THSD7B: variants seen among roughly 807,000 people sequenced by gnomAD.
THSD7B encodes thrombospondin type 1 domain containing 7B, also known as thrombospondin type-1 domain-containing protein 7B.
A neutral mutation model predicts 213.6 loss-of-function variants in THSD7B; 138 were observed. The ratio of observed to expected loss-of-function variants is 0.65; its 90% CI spans 0.56 to 0.74. The LOEUF (loss-of-function observed/expected upper bound fraction) is 0.74, where lower values mean the gene tolerates loss of function less well. THSD7B is among the 30% of genes least tolerant of loss of function. The pLI, the probability that THSD7B is intolerant of heterozygous loss-of-function variation, is 0.00. For missense variants in THSD7B, 1,931 were observed against 1,991.5 expected (o/e 0.97, Z 0.58); for synonymous variants, 742 against 687.0 (o/e 1.08, Z -1.25).
chr2:137,639,400 G>T (rs1682895497), intron 20 of THSD7B, among the ~76,000 whole-genome samples: 1 of 152,232 alleles, frequency 6.6e-6, no homozygotes, highest in Admixed American at 6.5e-5. Context: ...GCGTGCCCAG[G>T]CAAAAGTTTG....
intron 15 of THSD7B, among the ~76,000 whole-genome samples, chr2:137,521,818 G>C (rs570957781): frequency 6.6e-6 from 1 of 152,068 alleles, no homozygotes; most frequent in South Asian, 2.1e-4. Flanking sequence ...GCATCAGAGG[G>C]CCTGTCAGTC....
intron 5 of THSD7B, among the ~76,000 whole-genome samples, chr2:137,145,067 T>G (rs1679667161): frequency 6.6e-6 from 1 of 152,086 alleles, no homozygotes; most frequent in Admixed American, 6.6e-5. Flanking sequence ...GCTGTTATTT[T>G]CTTTAGGGTC....
chr2:137,079,122 C>T (rs1348520086), intron 3 of THSD7B, among the ~76,000 whole-genome samples: 1 of 151,942 alleles, frequency 6.6e-6, no homozygotes, highest in African/African-American at 2.4e-5. Flanking sequence ...AGTTTGAGAC[C>T]AGCCTGGGCA....
chr2:137,056,637 C>A lies in THSD7B; in HGVS notation c.357C>A (p.Tyr119Ter). The change falls in exon 3 of 28, where the codon TAC becomes TAA. Residue 119 changes from tyrosine to a stop codon, truncating the protein, a stop_gained. Coordinates refer to ENST00000409968, the MANE Select transcript of THSD7B (RefSeq NM_001316349.2). LOFTEE classifies it high-confidence loss of function. Reference sequence around the variant, plus strand: ...GGCACCACTGTGTGCTTGTTCCTTACGCTCGCGGTGAAGTCAAGCCTCGGA... The same window carrying A: ...GGCACCACTGTGTGCTTGTTCCTTAAGCTCGCGGTGAAGTCAAGCCTCGGA... Reference protein sequence around the residue: ...SDWHHCVLVPYARGEVKPRTA... With the variant: ...SDWHHCVLVP 6.2e-7 allele frequency: 1 copy of A among 1,613,960 alleles called. No individual in the cohort carries two copies. The highest frequency in any genetic ancestry group is 8.5e-7 in the Non-Finnish European group (1 of 1,179,882).
rs773677139 is a variant in THSD7B at position 136,954,740 on chromosome 2, T to TAAAAAAAAAAG, written c.139+72424_139+72425insAAAAAAAAAGA. Among the ~76,000 whole-genome samples, 7 of 137,490 alleles carry TAAAAAAAAAAG rather than the reference T, an allele frequency of 5.1e-5. 1 individual carries two copies. Among genetic ancestry groups the TAAAAAAAAAAG allele is most frequent in the African/African-American group, 1.5e-4 (5 of 32,334 alleles). The allele number at this position is 137,490 out of a possible 152,430, so 90.2% of individuals were successfully genotyped here. A position where few individuals can be genotyped will look rare whatever the true frequency, so the allele number is the denominator to read the frequency against. On this transcript the variant is annotated intron_variant, in intron 2 of 27. Transcript: ENST00000409968. ...AAAAAAAAAAAAAAAAAAAAGAAATTACATAAGAGCTTTTATACTGTTTAT... is the reference window on the plus strand; with the variant it reads ...AAAAAAAAAAAAAAAAAAAAGAAATTAAAAAAAAAAGACATAAGAGCTTTTATACTGTTTAT...
intron 14 of THSD7B, among the ~76,000 whole-genome samples, chr2:137,425,336 C>T (rs1687030844): frequency 6.6e-6 from 1 of 151,928 alleles, no homozygotes; most frequent in African/African-American, 2.4e-5. Flanking sequence ...CCTGCCTCAG[C>T]CTCCTGAGTA....
At chr2:137,177,267 CTTGAG>C (rs1208005197) in intron 7 of THSD7B, among the ~76,000 whole-genome samples, 23 of 152,276 alleles carry the variant, frequency 1.5e-4, no homozygotes, top group African/African-American at 5.3e-4. Context: ...ACATCATCAT[CTTGAG>C]TCTTGTTTTT....
At chr2:137,548,602 T>A (rs1680784559) in intron 15 of THSD7B, among the ~76,000 whole-genome samples, 1 of 152,016 alleles carries the variant, frequency 6.6e-6, no homozygotes, top group Non-Finnish European at 1.5e-5. Flanking sequence ...ATTTTCCCAT[T>A]TTCATACCCC....
intron 1 of THSD7B, among the ~76,000 whole-genome samples, chr2:136,830,704 A>C (rs16836853): frequency 6.6e-6 from 1 of 152,004 alleles, no homozygotes; most frequent in African/African-American, 2.4e-5. Flanking sequence ...TTACTTAGCT[A>C]TTTCAAATGG....
At chr2:137,219,472 A>G (rs1681319983) in intron 7 of THSD7B, among the ~76,000 whole-genome samples, 1 of 152,114 alleles carries the variant, frequency 6.6e-6, no homozygotes. Flanking sequence ...TCAGACAAAA[A>G]CAGAAGAGGT....
At chr2:137,616,463 G>C in intron 18 of THSD7B, 147 bp downstream of exon 18, 1 of 639,532 alleles carries the variant, frequency 1.6e-6, no homozygotes, top group Non-Finnish European at 2.6e-6. Flanking sequence ...CATGTTTCTA[G>C]TATCCCCTCA....
Position 137,546,666 on chromosome 2 carries a change from T to G in THSD7B, c.3139-16555T>G, listed in dbSNP as rs183437863. 3.0e-3 allele frequency among the ~76,000 whole-genome samples: 441 copies of G among 148,132 alleles called. 1 individual carries two copies. Among genetic ancestry groups the G allele is most frequent in the African/African-American group, 0.011 (422 of 40,158 alleles). ...TGGAATTCTTAGTTCTCAATAAATA[T>G]CAGAGAAAGGCTGTTGTTTGTACAT... On this transcript the variant is annotated intron_variant, in intron 15 of 27. Coordinates refer to ENST00000409968, the MANE Select transcript of THSD7B (RefSeq NM_001316349.2).
chr2:137,619,583 G>GA (rs528660399), intron 19 of THSD7B, among the ~76,000 whole-genome samples: 65 of 151,732 alleles, frequency 4.3e-4, no homozygotes, highest in South Asian at 3.3e-3. Flanking sequence ...CTGTTTCAGG[G>GA]AAAAAAAATC....
intron 1 of THSD7B, among the ~76,000 whole-genome samples, chr2:136,844,062 G>A (rs2104957847): frequency 6.6e-6 from 1 of 152,248 alleles, no homozygotes; most frequent in South Asian, 2.1e-4. Flanking sequence ...ACCCCCTTTA[G>A]GCAGAGCTTT....
chr2:137,237,651 A>G (rs1378866862), intron 9 of THSD7B, among the ~76,000 whole-genome samples: 3 of 152,238 alleles, frequency 2.0e-5, no homozygotes, highest in African/African-American at 7.2e-5. Flanking sequence ...TAATACAGTG[A>G]TACAGAAAAC....
chr2:137,329,212 G>C lies in THSD7B; in HGVS notation c.2500+53186G>C, dbSNP rs988949113. Among the ~76,000 whole-genome samples the C allele has an allele frequency of 2.6e-5, 4 of 152,196 alleles. No homozygotes were observed. The East Asian group carries it at 7.7e-4, about 29-fold the overall frequency. On this transcript the variant is annotated intron_variant, in intron 12 of 27. Coordinates refer to ENST00000409968, the MANE Select transcript of THSD7B (RefSeq NM_001316349.2). ...TGATATGAACAATAAAGTCCAGGCT[G>C]AGGTGGTCTCAGATGGAGATAAGGA...
At chr2:137,138,855 G>A (rs907439490) in intron 5 of THSD7B, among the ~76,000 whole-genome samples, 13 of 152,022 alleles carry the variant, frequency 8.6e-5, no homozygotes, top group African/African-American at 2.7e-4. Flanking sequence ...ATAATTGTAT[G>A]TACGTTCTTC....
rs1682620698 is a variant in THSD7B at position 137,626,059 on chromosome 2, C to G, written c.3799+5333C>G. Among the ~76,000 whole-genome samples, 3 of 152,302 alleles carry G rather than the reference C, an allele frequency of 2.0e-5. No individual in the cohort carries two copies. The East Asian group carries it at 5.8e-4, about 29-fold the overall frequency. On this transcript the variant is annotated intron_variant, in intron 20 of 27. Coordinates refer to ENST00000409968, the MANE Select transcript of THSD7B (RefSeq NM_001316349.2). ...AATCACTGGGATGTGGGTAGCAGATCTCTGAGGCAACACAGGGCAGTGGTG... is the reference window on the plus strand; with the variant it reads ...AATCACTGGGATGTGGGTAGCAGATGTCTGAGGCAACACAGGGCAGTGGTG...
chr2:136,896,727 A>T (rs1683966160), intron 2 of THSD7B, among the ~76,000 whole-genome samples: 1 of 152,106 alleles, frequency 6.6e-6, no homozygotes, highest in South Asian at 2.1e-4. Flanking sequence ...CTTTGGTATG[A>T]ATAAAAGTCT....
Sources: gnomAD v4.1 joint callset for allele counts (sites outside exome capture counted in the v4.1 genomes callset) on GRCh38, gnomAD v4.1.1 for gene constraint, MANE v1.5 for transcripts, NCBI Gene and HGNC (gene_info 2026-07-23, HGNC 2026-07-21) for gene names.